SOS2: variants seen among roughly 807,000 people sequenced by gnomAD.
SOS2 encodes the protein SOS Ras/Rho guanine nucleotide exchange factor 2.
A neutral mutation model predicts 148.2 loss-of-function variants in SOS2; 65 were observed. The ratio of observed to expected loss-of-function variants is 0.44; its 90% CI spans 0.36 to 0.54. The LOEUF is 0.54. Among genes scored for constraint, SOS2 ranks in the 20% least tolerant of loss-of-function variants. The pLI, the probability that SOS2 is intolerant of heterozygous loss-of-function variation, is 0.00. For missense variants in SOS2, 1,341 were observed against 1,590.2 expected, an observed-to-expected ratio of 0.84 and a Z score of 2.67; for synonymous variants, 539 against 537.1, an observed-to-expected ratio of 1.00 and a Z score of -0.05.
At chr14:50,139,848 C>G in intron 17 of SOS2, 94 bp downstream of exon 17, 1 of 581,514 alleles carries the variant, frequency 1.7e-6, no homozygotes, top group Non-Finnish European at 3.1e-6. Flanking sequence ...TAGATGAGCT[C>G]AGATATAAAA....
intron 1 of SOS2, among the ~76,000 whole-genome samples, chr14:50,217,721 C>T (rs548758721): frequency 8.5e-4 from 129 of 152,160 alleles, no homozygotes; most frequent in Non-Finnish European, 1.5e-3. Context: ...CTTTGGGAGG[C>T]CGAGGCCGGT....
chr14:50,122,046 G>C (rs1883530869), intron 21 of SOS2, among the ~76,000 whole-genome samples: 1 of 152,148 alleles, frequency 6.6e-6, no homozygotes, highest in Non-Finnish European at 1.5e-5. Flanking sequence ...AAGTGAACCT[G>C]ACCCCTTAGC....
chr14:50,210,890 A>C (rs1886848443), intron 1 of SOS2, among the ~76,000 whole-genome samples: 1 of 152,182 alleles, frequency 6.6e-6, no homozygotes, highest in African/African-American at 2.4e-5. Flanking sequence ...ATAATATCAA[A>C]TGTTGGTAAC....
rs745592797 is a variant in SOS2 at position 50,174,542 on chromosome 14, T to A, written c.980A>T (p.Asp327Val). The A allele has an allele frequency of 1.2e-6, 2 of 1,606,420 alleles. No individual in the cohort carries two copies. The highest frequency in any genetic ancestry group is 1.7e-6 in the Non-Finnish European group (2 of 1,174,516). The change falls in exon 8 of 23, where the codon GAT becomes GTT. Residue 327 changes from aspartate to valine, a missense_variant. Transcript: ENST00000216373. ...AVALHFQSIADGFKEAVRYVL... is the reference protein window; with the variant it reads ...AVALHFQSIAVGFKEAVRYVL... ...ATAACGAACTGCCTCTTTAAAACCA[T>A]CAGCAATGGACTGCAAAGCAAAAAG...
intron 12 of SOS2, among the ~76,000 whole-genome samples, chr14:50,155,681 A>G (rs1252888228): frequency 6.6e-6 from 1 of 152,210 alleles, no homozygotes; most frequent in Non-Finnish European, 1.5e-5. Flanking sequence ...CCACAATATC[A>G]TGACAGTCTA....
intron 4 of SOS2, among the ~76,000 whole-genome samples, chr14:50,191,400 T>C (rs1365078871): frequency 6.6e-6 from 1 of 152,118 alleles, no homozygotes; most frequent in African/African-American, 2.4e-5. Context: ...GCCCAGGAAT[T>C]CGAAGCTGCA....
rs1887005203 is a variant in SOS2 at position 50,215,069 on chromosome 14, C to T, written c.88-10660G>A. 2.0e-5 allele frequency among the ~76,000 whole-genome samples: 3 copies of T among 151,752 alleles called. No homozygotes were observed. In the South Asian group the frequency reaches 6.2e-4, roughly 32 times the overall value. ...TCTAGGATGGTTTTGATCTCCTGAC[C>T]TCGTGATCTGCCCGCCTCGTCCTCC... On this transcript the variant is annotated intron_variant, in intron 1 of 22. Coordinates refer to ENST00000216373, the MANE Select transcript of SOS2 (RefSeq NM_006939.4).
chr14:50,228,053 T>A (rs1887432732), intron 1 of SOS2, among the ~76,000 whole-genome samples: 1 of 151,832 alleles, frequency 6.6e-6, no homozygotes. Context: ...ATTTTTTTTT[T>A]TTTTTTGAGA....
intron 1 of SOS2, among the ~76,000 whole-genome samples, chr14:50,218,361 A>T (rs536990147): frequency 6.6e-6 from 1 of 152,006 alleles, no homozygotes; most frequent in Admixed American, 6.6e-5. Flanking sequence ...TGTCTCTACT[A>T]AAAATACAAA....
chr14:50,127,793 G>A (rs1883731373), intron 21 of SOS2, among the ~76,000 whole-genome samples: 1 of 152,176 alleles, frequency 6.6e-6, no homozygotes, highest in African/African-American at 2.4e-5. Context: ...CTCACATCTA[G>A]AATAGTGCCT....
chr14:50,165,696 C>T (rs1885142822), intron 8 of SOS2, among the ~76,000 whole-genome samples: 3 of 152,080 alleles, frequency 2.0e-5, no homozygotes, highest in Non-Finnish European at 4.4e-5. Context: ...GGTAGGTATC[C>T]ACTAGGTGGT....
chr14:50,201,193 G>A lies in SOS2; in HGVS notation c.214-109C>T. ...ATTCTTAATGCTAGCAGATAATAGT[G>A]ACACAATACATTCTGATTCCTGTAA... On this transcript the variant is annotated intron_variant, in intron 2 of 22. Transcript: ENST00000216373. 10 of 995,664 alleles carry A rather than the reference G, an allele frequency of 1.0e-5. 1 individual carries two copies. The highest frequency in any genetic ancestry group is 1.6e-5 in the African/African-American group (1 of 61,212). 61.7% of individuals were successfully genotyped at this position (995,664 alleles called of 1,614,324 possible). A position where few individuals can be genotyped will look rare whatever the true frequency, so the allele number is the denominator to read the frequency against.
intron 3 of SOS2, 58 bp from the exon 4 acceptor site, chr14:50,199,913 T>G: frequency 9.1e-7 from 1 of 1,103,400 alleles, no homozygotes; most frequent in Non-Finnish European, 1.3e-6. Flanking sequence ...TATTACACAC[T>G]TAAAAAATTC....
chr14:50,188,842 C>G, intron 4 of SOS2, 142 bp from the exon 5 acceptor site: 1 of 596,410 alleles, frequency 1.7e-6, no homozygotes, highest in South Asian at 2.2e-5. Flanking sequence ...GCAGGAGGAT[C>G]ACTTGAGGTC....
chr14:50,206,836 A>G (rs902893060), intron 1 of SOS2, among the ~76,000 whole-genome samples: 2 of 152,142 alleles, frequency 1.3e-5, no homozygotes, highest in African/African-American at 4.8e-5. Context: ...TTTTTGAGAC[A>G]GAGTCTCATT....
At chr14:50,145,027 T>A in intron 16 of SOS2, 143 bp downstream of exon 16, 1 of 375,344 alleles carries the variant, frequency 2.7e-6, no homozygotes, top group Admixed American at 4.4e-5. Flanking sequence ...ATCAACATAT[T>A]TTCTAATATA....
At chr14:50,167,316 A>C (rs998094955) in intron 8 of SOS2, among the ~76,000 whole-genome samples, 2 of 151,958 alleles carry the variant, frequency 1.3e-5, no homozygotes, top group African/African-American at 4.8e-5. Flanking sequence ...CACACACACA[A>C]AAAGAATGAC....
chr14:50,182,387 G>T, intron 6 of SOS2, 76 bp downstream of exon 6: 1 of 1,330,866 alleles, frequency 7.5e-7, no homozygotes, highest in Non-Finnish European at 1.1e-6. Flanking sequence ...TCACTATGTT[G>T]CCAAGACTCA....
intron 6 of SOS2, among the ~76,000 whole-genome samples, chr14:50,182,018 T>C (rs1287298667): frequency 6.6e-6 from 1 of 151,660 alleles, no homozygotes; most frequent in Non-Finnish European, 1.5e-5. Context: ...ACCTAAATGT[T>C]ACTACTCTAG....
Sources: gnomAD v4.1 joint callset for allele counts (sites outside exome capture counted in the v4.1 genomes callset) on GRCh38, gnomAD v4.1.1 for gene constraint, MANE v1.5 for transcripts, NCBI Gene and HGNC (gene_info 2026-07-23, HGNC 2026-07-21) for gene names.